ZNF385D: variants seen among roughly 807,000 people sequenced by gnomAD.
ZNF385D encodes the protein zinc finger protein 659.
A neutral mutation model predicts 35.8 loss-of-function variants in ZNF385D; 15 were observed. The ratio of observed to expected loss-of-function variants is 0.42; its 90% CI spans 0.28 to 0.64. The LOEUF is 0.64. Among genes scored for constraint, ZNF385D ranks in the 30% least tolerant of loss-of-function variants. The pLI, the probability that ZNF385D is intolerant of heterozygous loss-of-function variation, is 0.23. For missense variants in ZNF385D, 474 were observed against 494.6 expected (o/e 0.96, Z 0.39); for synonymous variants, 212 against 186.8 (o/e 1.13, Z -1.10).
chr3:22,102,424 G>C (rs868105313), intron 3 of ZNF385D, among the ~76,000 whole-genome samples: 1 of 152,030 alleles, frequency 6.6e-6, no homozygotes, highest in African/African-American at 2.4e-5. Context: ...TTTGAGACAA[G>C]AGTCCTTGCA....
chr3:21,456,755 A>T (rs529138744), intron 4 of ZNF385D, among the ~76,000 whole-genome samples: 129 of 152,218 alleles, frequency 8.5e-4, no homozygotes, highest in African/African-American at 4.8e-5. Flanking sequence ...ATAAATAATT[A>T]AAAAAGAGAA....
intron 1 of ZNF385D, among the ~76,000 whole-genome samples, chr3:21,713,187 C>T (rs2068180399): frequency 6.6e-6 from 1 of 152,166 alleles, no homozygotes; most frequent in Non-Finnish European, 1.5e-5. Flanking sequence ...TACCTGCTCA[C>T]CAACCTCAAA....
intron 3 of ZNF385D, among the ~76,000 whole-genome samples, chr3:22,154,248 T>C (rs2125726040): frequency 6.6e-6 from 1 of 152,270 alleles, no homozygotes; most frequent in East Asian, 1.9e-4. Flanking sequence ...TCCAGCTCTA[T>C]CAGATAATAG....
chr3:21,855,423 A>G (rs1696653908), intron 3 of ZNF385D, among the ~76,000 whole-genome samples: 1 of 152,062 alleles, frequency 6.6e-6, no homozygotes. Flanking sequence ...AAGGTATTAC[A>G]GCCTCCACAT....
intron 2 of ZNF385D, among the ~76,000 whole-genome samples, chr3:22,194,911 G>A (rs561518290): frequency 4.3e-4 from 65 of 151,850 alleles, no homozygotes; most frequent in Middle Eastern, 3.4e-3. Flanking sequence ...GGACACTAGC[G>A]TTTTTCCAAA....
At chr3:21,474,914 A>G (rs1034100277) in intron 4 of ZNF385D, among the ~76,000 whole-genome samples, 1 of 152,074 alleles carries the variant, frequency 6.6e-6, no homozygotes, top group African/African-American at 2.4e-5. Flanking sequence ...ATCTGGTGTA[A>G]TTGATAAGAA....
chr3:22,336,107 C>G (rs1489518531), intron 2 of ZNF385D, among the ~76,000 whole-genome samples: 1 of 152,056 alleles, frequency 6.6e-6, no homozygotes, highest in Non-Finnish European at 1.5e-5. Context: ...GGGACTAATC[C>G]TTACCTCCAG....
At chr3:21,620,439 C>T in intron 2 of ZNF385D, among the ~76,000 whole-genome samples, 1 of 152,070 alleles carries the variant, frequency 6.6e-6, no homozygotes, top group East Asian at 1.9e-4. Flanking sequence ...GAGATTTTTC[C>T]ATTTTCCTTA....
intron 3 of ZNF385D, among the ~76,000 whole-genome samples, chr3:21,797,763 T>C (rs1258813053): frequency 6.6e-6 from 1 of 152,136 alleles, no homozygotes; most frequent in East Asian, 1.9e-4. Context: ...GGCCCCATGC[T>C]ATATGATTTC....
chr3:21,951,559 T>G lies in ZNF385D; in HGVS notation c.325+217258A>C, dbSNP rs139301336. Among the ~76,000 whole-genome samples, 336 of 151,746 alleles carry G rather than the reference T, an allele frequency of 2.2e-3. 14 individuals are homozygous for G. Among genetic ancestry groups the G allele is most frequent in the African/African-American group, 7.7e-3 (317 of 41,102 alleles). ...CCCTTTATTTCTTCCTCTTGCCTGA[T>G]TGCCCCGGCCAGAACTTCCAATACT... On this transcript the variant is annotated intron_variant, in intron 3 of 5. Transcript: ENST00000494108.
chr3:22,275,095 T>TA (rs1701362723), intron 2 of ZNF385D, among the ~76,000 whole-genome samples: 2 of 152,102 alleles, frequency 1.3e-5, no homozygotes, highest in Non-Finnish European at 2.9e-5. Flanking sequence ...CACACATAAC[T>TA]AGTGGTAACA....
chr3:21,933,994 C>A (rs571255957), intron 3 of ZNF385D, among the ~76,000 whole-genome samples: 10 of 120,624 alleles, frequency 8.3e-5, no homozygotes, highest in African/African-American at 3.6e-4. Flanking sequence ...TACATAGTAA[C>A]TCACTGGTAA....
At chr3:22,157,245 CT>C (rs1475207725) in intron 3 of ZNF385D, among the ~76,000 whole-genome samples, 1 of 152,102 alleles carries the variant, frequency 6.6e-6, no homozygotes, top group African/African-American at 2.4e-5. Flanking sequence ...ATACTAATGA[CT>C]GTATCTAAAT....
intron 3 of ZNF385D, among the ~76,000 whole-genome samples, chr3:21,762,647 C>T (rs188871553): frequency 2.0e-5 from 3 of 152,272 alleles, no homozygotes; most frequent in East Asian, 1.9e-4. Flanking sequence ...AATACACTGT[C>T]CAGATCTCTC....
chr3:22,049,104 C>G (rs1285212512), intron 3 of ZNF385D, among the ~76,000 whole-genome samples: 4 of 151,846 alleles, frequency 2.6e-5, no homozygotes, highest in Middle Eastern at 3.2e-3. Context: ...TGAGACCACC[C>G]TGACCAACAT....
chr3:22,094,198 G>C (rs1413593782), intron 3 of ZNF385D, among the ~76,000 whole-genome samples: 1 of 149,900 alleles, frequency 6.7e-6, no homozygotes, highest in Non-Finnish European at 1.5e-5. Flanking sequence ...TTCATCTTTT[G>C]GTTGTTCATA....
At chr3:22,191,782 T>A (rs2125226182) in intron 2 of ZNF385D, among the ~76,000 whole-genome samples, 1 of 152,306 alleles carries the variant, frequency 6.6e-6, no homozygotes, top group East Asian at 1.9e-4. Flanking sequence ...ATCATTAAAA[T>A]ATTTCAGTGA....
chr3:21,609,680 T>G (rs559086014), intron 2 of ZNF385D, among the ~76,000 whole-genome samples: 2 of 152,310 alleles, frequency 1.3e-5, no homozygotes, highest in South Asian at 4.1e-4. Context: ...TGGTCCAAGG[T>G]GTCAGCACAG....
chr3:21,592,543 CAAAAA>C (rs3041752), intron 2 of ZNF385D, among the ~76,000 whole-genome samples: 5 of 124,968 alleles, frequency 4.0e-5, no homozygotes, highest in African/African-American at 8.7e-5. Flanking sequence ...GTCTTCATGG[CAAAAA>C]AAAAAAACCA....
Sources: gnomAD v4.1 joint callset for allele counts (sites outside exome capture counted in the v4.1 genomes callset) on GRCh38, gnomAD v4.1.1 for gene constraint, MANE v1.5 for transcripts, NCBI Gene and HGNC (gene_info 2026-07-23, HGNC 2026-07-21) for gene names.